The following STX11 variants were observed in gnomAD, a reference collection of about 807,000 sequenced individuals.
STX11 encodes the protein syntaxin 11, also known as syntaxin-11.
Under a neutral mutation model 19.9 loss-of-function variants are expected in STX11, and 21 were observed. The observed-to-expected ratio is 1.06, with a 90% CI of 0.75 to 1.52. The LOEUF (loss-of-function observed/expected upper bound fraction) is 1.52, where lower values mean the gene tolerates loss of function less well. STX11 is among the 40% of genes most tolerant of loss of function. The probability of loss-of-function intolerance (pLI) is 0.00; values close to 1 mark genes in which losing one functional copy is unlikely to be tolerated. For missense variants in STX11, 438 were observed against 405.9 expected, an observed-to-expected ratio of 1.08 and a Z score of -0.68; for synonymous variants, 193 against 174.4, an observed-to-expected ratio of 1.11 and a Z score of -0.84.
In STX11 at chr6:144,176,225, T is replaced by A. The variant is rs557513111; in HGVS notation, c.-5-10398T>A. On this transcript the variant is annotated intron_variant, in intron 1 of 1. Coordinates refer to ENST00000367568, the MANE Select transcript of STX11 (RefSeq NM_003764.4). The surrounding 1 kb of genome is among the most constrained non-coding windows in gnomAD (Gnocchi z 4.1). ...CCTAGTACCTCCCCACACTAGCGCC[T>A]CCCACCCTAACTCCCCCAACAGCTT... Among the ~76,000 whole-genome samples, 4 of 152,112 alleles carry A rather than the reference T, an allele frequency of 2.6e-5. No homozygotes were observed. Among genetic ancestry groups the A allele is most frequent in the Non-Finnish European group, 4.4e-5 (3 of 67,988 alleles).
chr6:144,178,606 G>C (rs1461329962), intron 1 of STX11, among the ~76,000 whole-genome samples: 1 of 152,214 alleles, frequency 6.6e-6, no homozygotes, highest in Non-Finnish European at 1.5e-5. Flanking sequence ...TAAAGTGATT[G>C]AAAAGTAGAG....
rs1369909052 is a variant in STX11, at chr6:144,167,321, T to A, written c.-6+16618T>A. ...GAAGTGTTTTGGATTTCAGATTTTT[T>A]TGGATTTTGGAATATTTGCATATAC... On this transcript the variant is annotated intron_variant, in intron 1 of 1. Coordinates refer to ENST00000367568, the MANE Select transcript of STX11 (RefSeq NM_003764.4). This position sits in a 1 kb window ranked among gnomAD's most constrained non-coding sequence, Gnocchi z 5.0. 6.6e-6 allele frequency among the ~76,000 whole-genome samples: 1 copy of A among 152,256 alleles called. No homozygotes were observed. Among genetic ancestry groups the A allele is most frequent in the African/African-American group, 2.4e-5 (1 of 41,474 alleles).
Position 144,167,565 on chromosome 6 carries a change from ACT to A in STX11, c.-6+16865_-6+16866del, listed in dbSNP as rs1801516037. On this transcript the variant is annotated intron_variant, in intron 1 of 1. Coordinates refer to ENST00000367568, the MANE Select transcript of STX11 (RefSeq NM_003764.4). The surrounding 1 kb of genome is among the most constrained non-coding windows in gnomAD (Gnocchi z 5.0). The stretch of plus-strand genomic sequence containing the variant: ...TTGCTTGGTATCACCATCATTCCTG[ACT>A]CTGAATTTACATGCTGCTGATAAGC... Among the ~76,000 whole-genome samples, 1 of 151,810 alleles carries A rather than the reference ACT, an allele frequency of 6.6e-6. No individual in the cohort carries two copies. Among genetic ancestry groups the A allele is most frequent in the African/African-American group, 2.4e-5 (1 of 41,334 alleles).
In STX11 at chr6:144,187,146, G is replaced by A. The variant is rs1445812646; in HGVS notation, c.519G>A (p.Ser173=). The change falls in exon 2 of 2, where the codon TCG becomes TCA. Residue 173 remains serine (S), a synonymous_variant. Coordinates refer to ENST00000367568, the MANE Select transcript of STX11 (RefSeq NM_003764.4). This position sits in a 1 kb window ranked among gnomAD's most constrained non-coding sequence, Gnocchi z 5.6. The part of the protein sequence containing the change: ...RQLEIMGKEV[S]GDQIEDMFEQ... ...TGGAGATCATGGGCAAGGAAGTCTC[G>A]GGCGACCAGATCGAGGACATGTTCG... is the stretch of plus-strand genomic sequence containing the variant. The A allele has an allele frequency of 6.2e-7, 1 of 1,614,000 alleles. No homozygotes were observed. Among genetic ancestry groups the A allele is most frequent in the South Asian group, 1.1e-5 (1 of 91,086 alleles).
chr6:144,151,261 G>A lies in STX11; in HGVS notation c.-6+558G>A, dbSNP rs1800999334. 1 of 985,270 alleles carries A rather than the reference G, an allele frequency of 1.0e-6. No individual in the cohort carries two copies. The highest frequency in any genetic ancestry group is 1.2e-6 in the Non-Finnish European group (1 of 829,930). The allele number at this position is 985,270 out of a possible 1,614,324, so 61.0% of individuals were successfully genotyped here. On this transcript the variant is annotated intron_variant, in intron 1 of 1. Coordinates refer to ENST00000367568, the MANE Select transcript of STX11 (RefSeq NM_003764.4). The surrounding 1 kb of genome is among the most constrained non-coding windows in gnomAD (Gnocchi z 4.6). ...AAACATGGAGAGAAGTAGTGGCAAT[G>A]CCTGCGAGAGCCACGCCGTCCTGAG...
chr6:144,189,187 T>C lies in STX11; in HGVS notation c.*1696T>C, dbSNP rs1802151545. 6.6e-6 allele frequency among the ~76,000 whole-genome samples: 1 copy of C among 152,212 alleles called. No individual in the cohort carries two copies. Among genetic ancestry groups the C allele is most frequent in the Non-Finnish European group, 1.5e-5 (1 of 68,034 alleles). ...ACAGATATGTGCCACCATGCCCGGC[T>C]AATTTTTGTATTTTCTGTAGAGACA... On this transcript the variant is annotated 3_prime_UTR_variant, in exon 2 of 2. Transcript: ENST00000367568.
Position 144,162,638 on chromosome 6 carries a change from C to T in STX11, c.-6+11935C>T, listed in dbSNP as rs1584025985. Among the ~76,000 whole-genome samples, 2 of 152,098 alleles carry T rather than the reference C, an allele frequency of 1.3e-5. No homozygotes were observed. The highest frequency in any genetic ancestry group is 3.9e-4 in the East Asian group (2 of 5,190). On this transcript the variant is annotated intron_variant, in intron 1 of 1. Transcript: ENST00000367568. This position sits in a 1 kb window ranked among gnomAD's most constrained non-coding sequence, Gnocchi z 4.6. ...TAAAACATAGAGGATGGATCATAGG[C>T]ATGGGATGTTTTGATGGACAAATTT...
rs140455947 is a variant in STX11, at chr6:144,187,453, C to T, written c.826C>T (p.Arg276Trp). The T allele has an allele frequency of 5.6e-6, 9 of 1,612,286 alleles. No individual in the cohort carries two copies. The highest frequency in any genetic ancestry group is 5.3e-5 in the African/African-American group (4 of 74,930). Residue 276 changes from arginine (R) to tryptophan (W), a missense_variant, in exon 2 of 2, where the codon CGG (arginine) becomes TGG (tryptophan). Transcript: ENST00000367568. The surrounding 1 kb of genome is among the most constrained non-coding windows in gnomAD (Gnocchi z 5.6). Reference protein sequence around the residue: ...AVQYEEKNPCRTLCCFCCPCL... With the variant: ...AVQYEEKNPCWTLCCFCCPCL... ...GCAGTACGAGGAGAAGAACCCCTGC[C>T]GGACCCTCTGCTGCTTCTGCTGTCC...
rs1171221018 is a variant in STX11, at chr6:144,176,776, T to C, written c.-5-9847T>C. Among the ~76,000 whole-genome samples, 3 of 146,422 alleles carry C rather than the reference T, an allele frequency of 2.0e-5. No individual in the cohort carries two copies. Among genetic ancestry groups the C allele is most frequent in the African/African-American group, 7.3e-5 (3 of 41,050 alleles). ...CATCAATAAATTGTGTCTAATGCCCTGTTTTTTAAAAAGCAAGGAAGTGTG... is the reference window on the plus strand; with the variant it reads ...CATCAATAAATTGTGTCTAATGCCCCGTTTTTTAAAAAGCAAGGAAGTGTG... On this transcript the variant is annotated intron_variant, in intron 1 of 1. Transcript: ENST00000367568. This position sits in a 1 kb window ranked among gnomAD's most constrained non-coding sequence, Gnocchi z 4.1.
In STX11 at chr6:144,155,739, C is replaced by T. The variant is rs557966797; in HGVS notation, c.-6+5036C>T. On this transcript the variant is annotated intron_variant, in intron 1 of 1. Transcript: ENST00000367568. This position sits in a 1 kb window ranked among gnomAD's most constrained non-coding sequence, Gnocchi z 4.5. ...CCTAATAACCATTCTGTGTCTTTTA[C>T]TAATAATGAAACCATCTGTCAGAGT... Among the ~76,000 whole-genome samples, 1 of 152,260 alleles carries T rather than the reference C, an allele frequency of 6.6e-6. No individual in the cohort carries two copies. The highest frequency in any genetic ancestry group is 2.4e-5 in the African/African-American group (1 of 41,558).
chr6:144,184,400 C>T lies in STX11; in HGVS notation c.-5-2223C>T, dbSNP rs1464605570. Among the ~76,000 whole-genome samples, 3 of 152,190 alleles carry T rather than the reference C, an allele frequency of 2.0e-5. No homozygotes were observed. Among genetic ancestry groups the T allele is most frequent in the Non-Finnish European group, 2.9e-5 (2 of 68,036 alleles). Reference sequence around the variant, plus strand: ...TTTTAATAGTCACCATTCTGACTGGCATGAGATGGAATTACCAGTATGTTT... The same window carrying T: ...TTTTAATAGTCACCATTCTGACTGGTATGAGATGGAATTACCAGTATGTTT... On this transcript the variant is annotated intron_variant, in intron 1 of 1. Coordinates refer to ENST00000367568, the MANE Select transcript of STX11 (RefSeq NM_003764.4). The surrounding 1 kb of genome is among the most constrained non-coding windows in gnomAD (Gnocchi z 6.5).
rs975984825 is a variant in STX11 at position 144,159,782 on chromosome 6, G to A, written c.-6+9079G>A. Among the ~76,000 whole-genome samples, 1 of 152,084 alleles carries A rather than the reference G, an allele frequency of 6.6e-6. No homozygotes were observed. The highest frequency in any genetic ancestry group is 2.4e-5 in the African/African-American group (1 of 41,416). The stretch of plus-strand genomic sequence containing the variant: ...TAATCTCAAGGATCTGATTACTACG[G>A]CCTAGGAGGGTGCTTGACAGATTTG... On this transcript the variant is annotated intron_variant, in intron 1 of 1. Transcript: ENST00000367568. The surrounding 1 kb of genome is among the most constrained non-coding windows in gnomAD (Gnocchi z 4.3).
chr6:144,184,558 A>T lies in STX11; in HGVS notation c.-5-2065A>T, dbSNP rs912112194. On this transcript the variant is annotated intron_variant, in intron 1 of 1. Coordinates refer to ENST00000367568, the MANE Select transcript of STX11 (RefSeq NM_003764.4). The surrounding 1 kb of genome is among the most constrained non-coding windows in gnomAD (Gnocchi z 6.5). ...TTTAATACAGAAGTCTTTTGTGACT[A>T]TATTTTTATACTTTTGCTAAAGATT... Among the ~76,000 whole-genome samples, 14 of 152,240 alleles carry T rather than the reference A, an allele frequency of 9.2e-5. 1 individual carries two copies. Among genetic ancestry groups the T allele is most frequent in the Non-Finnish European group, 1.6e-4 (11 of 68,038 alleles).
Position 144,151,309 on chromosome 6 carries a change from A to G in STX11, c.-6+606A>G, listed in dbSNP as rs781283211. ...GAGAGGGAATTCTGCCTTTTTCTAGACTCCGCTGACACCAGCTGAGATCTG... is the reference window on the plus strand; with the variant it reads ...GAGAGGGAATTCTGCCTTTTTCTAGGCTCCGCTGACACCAGCTGAGATCTG... On this transcript the variant is annotated intron_variant, in intron 1 of 1. Transcript: ENST00000367568. This position sits in a 1 kb window ranked among gnomAD's most constrained non-coding sequence, Gnocchi z 4.6. 174 of 984,944 alleles carry G rather than the reference A, an allele frequency of 1.8e-4. No individual in the cohort carries two copies. The highest frequency in any genetic ancestry group is 4.2e-4 in the South Asian group (9 of 21,248). The allele number at this position is 984,944 out of a possible 1,614,324, so 61.0% of individuals were successfully genotyped here.
intron 1 of STX11, among the ~76,000 whole-genome samples, chr6:144,166,277 T>G (rs1017097343): frequency 1.1e-4 from 16 of 152,188 alleles, no homozygotes; most frequent in African/African-American, 3.9e-4. Context: ...TTAAAATTGT[T>G]AATTTGTTCC....
In STX11 at chr6:144,169,312, G is replaced by A. The variant is rs907825509; in HGVS notation, c.-5-17311G>A. On this transcript the variant is annotated intron_variant, in intron 1 of 1. Transcript: ENST00000367568. The surrounding 1 kb of genome is among the most constrained non-coding windows in gnomAD (Gnocchi z 5.2). The stretch of plus-strand genomic sequence containing the variant: ...ATCAGCATTGCAAACTTGTTGTGGA[G>A]TCAAATTTTCATCAGCAATGACCTT... 2.0e-5 allele frequency among the ~76,000 whole-genome samples: 3 copies of A among 152,208 alleles called. No homozygotes were observed. Among genetic ancestry groups the A allele is most frequent in the Non-Finnish European group, 4.4e-5 (3 of 68,040 alleles).
chr6:144,141,908 C>G, the STX11 span, among the ~76,000 whole-genome samples: 13 of 152,004 alleles, frequency 8.6e-5, no homozygotes, highest in Non-Finnish European at 1.5e-5. Flanking sequence ...TTTTGAACTT[C>G]TGGGCTCAAG....
Position 144,159,501 on chromosome 6 carries a change from A to G in STX11, c.-6+8798A>G, listed in dbSNP as rs565301044. Among the ~76,000 whole-genome samples, 1 of 120,696 alleles carries G rather than the reference A, an allele frequency of 8.3e-6. No homozygotes were observed. Among genetic ancestry groups the G allele is most frequent in the East Asian group, 2.6e-4 (1 of 3,888 alleles). The allele number at this position is 120,696 out of a possible 152,430, so 79.2% of individuals were successfully genotyped here. A position where few individuals can be genotyped will look rare whatever the true frequency, so the allele number is the denominator to read the frequency against. On this transcript the variant is annotated intron_variant, in intron 1 of 1. Transcript: ENST00000367568. The surrounding 1 kb of genome is among the most constrained non-coding windows in gnomAD (Gnocchi z 4.3). ...CAAAGGAAGATCTTTTGGTTGAGCT[A>G]GTTCAAAATTGACTCTGTGTGTGTG...
chr6:144,154,526 C>T lies in STX11; in HGVS notation c.-6+3823C>T, dbSNP rs887864433. On this transcript the variant is annotated intron_variant, in intron 1 of 1. Transcript: ENST00000367568. The surrounding 1 kb of genome is among the most constrained non-coding windows in gnomAD (Gnocchi z 4.7). ...TACCACCCCTCCTAAACACTGAATG[C>T]TCAACTTTTCATATTTCTCAGATGC... Among the ~76,000 whole-genome samples, 2 of 152,158 alleles carry T rather than the reference C, an allele frequency of 1.3e-5. No individual in the cohort carries two copies. The highest frequency in any genetic ancestry group is 2.9e-5 in the Non-Finnish European group (2 of 68,024).
Sources: gnomAD v4.1 joint callset for allele counts (sites outside exome capture counted in the v4.1 genomes callset) on GRCh38, gnomAD v4.1.1 for gene constraint, Gnocchi (gnomAD v3.1) non-coding constraint, MANE v1.5 for transcripts, NCBI Gene and HGNC (gene_info 2026-07-23, HGNC 2026-07-21) for gene names.